Variants in FSTL4 observed in about 807,000 individuals in gnomAD.
FSTL4 encodes the protein follistatin like 4.
Under a neutral mutation model 78.2 loss-of-function variants are expected in FSTL4, and 28 were observed. That is an observed-to-expected ratio of 0.36 (90% CI 0.27 to 0.49). The LOEUF is 0.49. Among genes scored for constraint, FSTL4 ranks in the 20% least tolerant of loss-of-function variants. The pLI is 0.98. For synonymous variants in FSTL4, 422 were observed against 440.5 expected (o/e 0.96, Z 0.53); for missense variants, 922 against 1,084.9 (o/e 0.85, Z 2.11).
chr5:133,443,420 A>T (rs1351534476), intron 3 of FSTL4, among the ~76,000 whole-genome samples: 1 of 152,252 alleles, frequency 6.6e-6, no homozygotes, highest in Non-Finnish European at 1.5e-5. Context: ...CAACTCATTC[A>T]TGGTGTTGGG....
intron 7 of FSTL4, among the ~76,000 whole-genome samples, chr5:133,240,246 C>T (rs1181221678): frequency 1.3e-5 from 2 of 152,200 alleles, no homozygotes; most frequent in African/African-American, 2.4e-5. Flanking sequence ...CTGCGAGGGT[C>T]CGCGGCTTCA....
chr5:133,201,538 C>A (rs4958167), intron 15 of FSTL4, among the ~76,000 whole-genome samples: 97,191 of 152,050 alleles, frequency 0.64, 31,890 homozygotes, highest in Admixed American at 0.74. Flanking sequence ...TCAGTGTCTT[C>A]ACTTCTCTGA....
At chr5:133,308,954 T>A (rs1288873971) in intron 6 of FSTL4, among the ~76,000 whole-genome samples, 1 of 151,892 alleles carries the variant, frequency 6.6e-6, no homozygotes, top group Non-Finnish European at 1.5e-5. Flanking sequence ...CTCATAGGAG[T>A]AATTAAAAGG....
rs554785483 is a variant in FSTL4, at chr5:133,371,322, G to A, written c.409+29416C>T. Among the ~76,000 whole-genome samples the A allele has an allele frequency of 3.9e-5, 6 of 152,342 alleles. 1 individual carries two copies. Among genetic ancestry groups the A allele is most frequent in the East Asian group, 3.9e-4 (2 of 5,182 alleles). ...GCACTGCTTTCCCAAGGCCCTCACCGCAAGAGGCATTCCTGACATTTAACA... is the reference window on the plus strand; with the variant it reads ...GCACTGCTTTCCCAAGGCCCTCACCACAAGAGGCATTCCTGACATTTAACA... On this transcript the variant is annotated intron_variant, in intron 4 of 15. Transcript: ENST00000265342.
rs777869679 is a variant in FSTL4 at position 133,236,024 on chromosome 5, C to T, written c.895-2487G>A. Among the ~76,000 whole-genome samples, 5 of 152,178 alleles carry T rather than the reference C, an allele frequency of 3.3e-5. No homozygotes were observed. Among genetic ancestry groups the T allele is most frequent in the African/African-American group, 7.2e-5 (3 of 41,518 alleles). On this transcript the variant is annotated intron_variant, in intron 7 of 15. Transcript: ENST00000265342. This position sits in a 1 kb window ranked among gnomAD's most constrained non-coding sequence, Gnocchi z 5.0. ...GTGGCAGGGCTTGGAAACTCCTCAG[C>T]GTCCCAGTTGGTGGGTCCCAGGGCA...
At chr5:133,240,005 C>G (rs192056627) in intron 7 of FSTL4, among the ~76,000 whole-genome samples, 1 of 152,226 alleles carries the variant, frequency 6.6e-6, no homozygotes, top group African/African-American at 2.4e-5. Flanking sequence ...CGCTGGGATT[C>G]CTTTCCACGC....
intron 3 of FSTL4, among the ~76,000 whole-genome samples, chr5:133,469,212 G>C (rs1757769258): frequency 6.6e-6 from 1 of 152,198 alleles, no homozygotes; most frequent in African/African-American, 2.4e-5. Context: ...ATTGTGAAGA[G>C]GCCGAATGGC....
intron 2 of FSTL4, chr5:133,583,414 G>T (rs1278654286): frequency 3.4e-6 from 1 of 297,904 alleles, no homozygotes; most frequent in Non-Finnish European, 6.7e-6. Flanking sequence ...GGGAGTGCCA[G>T]ACAGTGGGCG....
intron 4 of FSTL4, among the ~76,000 whole-genome samples, chr5:133,351,189 T>C (rs1754815059): frequency 6.6e-6 from 1 of 152,200 alleles, no homozygotes. Context: ...TGTTCTGGCA[T>C]CTGTTGTGTT....
chr5:133,583,229 A>C (rs1291703140), intron 2 of FSTL4: 1 of 455,760 alleles, frequency 2.2e-6, no homozygotes, highest in African/African-American at 2.0e-5. Context: ...TTGGTATCAC[A>C]GTAACCAACT....
At chr5:133,476,294 G>A (rs2112853655) in intron 3 of FSTL4, among the ~76,000 whole-genome samples, 1 of 152,308 alleles carries the variant, frequency 6.6e-6, no homozygotes, top group South Asian at 2.1e-4. Context: ...GCTAGTGAGT[G>A]CTACATCTTG....
chr5:133,538,782 G>A (rs464991), intron 3 of FSTL4, among the ~76,000 whole-genome samples: 61,840 of 151,948 alleles, frequency 0.41, 12,896 homozygotes, highest in African/African-American at 0.48. Flanking sequence ...ATCTTTCATG[G>A]TTTCTGTGGG....
the FSTL4 span, among the ~76,000 whole-genome samples, chr5:133,703,849 C>T: frequency 6.6e-6 from 1 of 152,236 alleles, no homozygotes; most frequent in East Asian, 1.9e-4. Flanking sequence ...ACTCCAGGGC[C>T]GAGCAAGGGA....
chr5:133,711,500 C>T, the FSTL4 span, among the ~76,000 whole-genome samples: 30 of 152,344 alleles, frequency 2.0e-4, no homozygotes, highest in Admixed American at 3.3e-4. Context: ...TGCTAGCTAG[C>T]ACCAGGTCTC....
At chr5:133,758,152 ATCTGATTTCATCC>A in the FSTL4 span, among the ~76,000 whole-genome samples, 5 of 152,186 alleles carry the variant, frequency 3.3e-5, no homozygotes, top group Non-Finnish European at 7.4e-5. Context: ...TACATCAACT[ATCTGATTTCATCC>A]TCATCAACCA....
chr5:133,364,367 G>A (rs1322836140), intron 4 of FSTL4, among the ~76,000 whole-genome samples: 2 of 152,214 alleles, frequency 1.3e-5, no homozygotes, highest in African/African-American at 4.8e-5. Flanking sequence ...GACTCTGAGT[G>A]TACTCCCAGT....
intron 3 of FSTL4, among the ~76,000 whole-genome samples, chr5:133,425,729 G>T (rs1756798910): frequency 6.6e-6 from 1 of 152,178 alleles, no homozygotes; most frequent in Non-Finnish European, 1.5e-5. Context: ...TGTTCCTACT[G>T]TGGGTGAGAT....
chr5:133,395,766 C>T (rs1157202051), intron 4 of FSTL4, among the ~76,000 whole-genome samples: 2 of 152,166 alleles, frequency 1.3e-5, no homozygotes, highest in African/African-American at 4.8e-5. Flanking sequence ...GCAAACCTTC[C>T]CTTGCTCTTC....
intron 3 of FSTL4, among the ~76,000 whole-genome samples, chr5:133,506,664 A>G (rs138151033): frequency 6.6e-6 from 1 of 152,354 alleles, no homozygotes; most frequent in East Asian, 1.9e-4. Context: ...AGCAGATGTG[A>G]CACAAAGTAT....
Sources: gnomAD v4.1 joint callset for allele counts (sites outside exome capture counted in the v4.1 genomes callset) on GRCh38, gnomAD v4.1.1 for gene constraint, Gnocchi (gnomAD v3.1) non-coding constraint, MANE v1.5 for transcripts, NCBI Gene and HGNC (gene_info 2026-07-23, HGNC 2026-07-21) for gene names.